The following RAMP3 variants were observed in gnomAD, a reference collection of about 807,000 sequenced individuals.
RAMP3 encodes the protein receptor activity modifying protein 3.
In RAMP3, 14 loss-of-function variants were observed where a neutral mutation model predicts 13.5. The observed-to-expected ratio is 1.04, with a 90% confidence interval of 0.69 to 1.63. The LOEUF is 1.63. Ranked by LOEUF, RAMP3 falls within the 40% of genes most tolerant of loss-of-function variation. The probability of loss-of-function intolerance (pLI) is 0.00; values close to 1 mark genes in which losing one functional copy is unlikely to be tolerated. For synonymous variants in RAMP3, 106 were observed against 88.3 expected (o/e 1.20, Z -1.12); for missense variants, 200 against 204.8 (o/e 0.98, Z 0.14).
intron 1 of RAMP3, among the ~76,000 whole-genome samples, chr7:45,158,990 A>G (rs1785815036): frequency 6.6e-6 from 1 of 152,200 alleles, no homozygotes; most frequent in South Asian, 2.1e-4. Flanking sequence ...CCTTAGGTGG[A>G]GATCTTGGTC....
rs530734151 is a variant in RAMP3, at chr7:45,177,070, G to A, written c.59-239G>A. Among the ~76,000 whole-genome samples the A allele has an allele frequency of 7.0e-4, 107 of 152,338 alleles. 1 individual carries two copies. Among genetic ancestry groups the A allele is most frequent in the African/African-American group, 2.5e-3 (106 of 41,588 alleles). On this transcript the variant is annotated intron_variant, in intron 1 of 2. Transcript: ENST00000242249. The stretch of plus-strand genomic sequence containing the variant: ...GATCCCTGCCTGTGCCACTGCCTGT[G>A]AGGCGGTGAAGTGAAAAGGTGGACT...
At position 45,177,454 on chromosome 7, in the gene RAMP3, G is replaced by T; in HGVS notation, c.191+13G>T. 2 of 1,613,972 alleles carry T rather than the reference G, an allele frequency of 1.2e-6. No individual in the cohort carries two copies. Among genetic ancestry groups the T allele is most frequent in the Non-Finnish European group, 1.7e-6 (2 of 1,179,906 alleles). On this transcript the variant is annotated intron_variant, in intron 2 of 2. Transcript: ENST00000242249. ...CCGAGTTCATCGTGTGAGTGCCACT[G>T]CTGGGCGTGGGATTTGCTCTGACCA...
At chr7:45,159,100 C>T (rs1190466171) in intron 1 of RAMP3, among the ~76,000 whole-genome samples, 1 of 152,218 alleles carries the variant, frequency 6.6e-6, no homozygotes. Context: ...AGGCTTCCGC[C>T]TGCACAGAAT....
chr7:45,159,455 G>C (rs937912277), intron 1 of RAMP3, among the ~76,000 whole-genome samples: 1 of 152,202 alleles, frequency 6.6e-6, no homozygotes, highest in Non-Finnish European at 1.5e-5. Flanking sequence ...GAGGGTGCAG[G>C]CCTCTGGGGC....
At position 45,173,746 on chromosome 7, in the gene RAMP3, G is replaced by A. The variant is rs1175512773; in HGVS notation, c.59-3563G>A. Among the ~76,000 whole-genome samples the A allele has an allele frequency of 2.0e-5, 3 of 152,364 alleles. No homozygotes were observed. The East Asian group carries it at 5.8e-4, about 29-fold the overall frequency. On this transcript the variant is annotated intron_variant, in intron 1 of 2. Coordinates refer to ENST00000242249, the MANE Select transcript of RAMP3 (RefSeq NM_005856.3). Reference sequence around the variant, plus strand: ...CTTCTGCCACTTCTGATAGTGTGGGGAGGACTGCAAGGAGCAGGGCTGATC... The same window carrying A: ...CTTCTGCCACTTCTGATAGTGTGGGAAGGACTGCAAGGAGCAGGGCTGATC...
chr7:45,182,971 A>G (rs569871177), intron 2 of RAMP3, among the ~76,000 whole-genome samples, 186 bp from the exon 3 acceptor site: 1 of 152,278 alleles, frequency 6.6e-6, no homozygotes, highest in South Asian at 2.1e-4. Flanking sequence ...GGCAGGGGAC[A>G]CAGGGAATGG....
Position 45,181,583 on chromosome 7 carries a change from G to T in RAMP3, c.192-1574G>T, listed in dbSNP as rs1021396478. ...TGTGATTCTCATCACACACATAGAT[G>T]CTGGGAACTTCTGAAGGTGAAGGCT... On this transcript the variant is annotated intron_variant, in intron 2 of 2. Coordinates refer to ENST00000242249, the MANE Select transcript of RAMP3 (RefSeq NM_005856.3). Among the ~76,000 whole-genome samples the T allele has an allele frequency of 7.2e-5, 11 of 152,340 alleles. No homozygotes were observed. In the South Asian group the frequency reaches 2.3e-3, roughly 32 times the overall value.
intron 2 of RAMP3, among the ~76,000 whole-genome samples, chr7:45,177,911 TC>T (rs925176661): frequency 7.2e-5 from 11 of 152,188 alleles, no homozygotes; most frequent in Non-Finnish European, 1.5e-4. Flanking sequence ...AGTGTCCAGT[TC>T]GGGGGTTCCC....
intron 1 of RAMP3, chr7:45,163,492 A>T: frequency 7.1e-6 from 7 of 985,352 alleles, no homozygotes; most frequent in Non-Finnish European, 8.4e-6. Flanking sequence ...GGACAGTCTG[A>T]TTGTGGAGGA....
chr7:45,160,775 A>G (rs11771811), intron 1 of RAMP3, among the ~76,000 whole-genome samples: 46,939 of 152,222 alleles, frequency 0.31, 9,286 homozygotes, highest in African/African-American at 0.56. Context: ...TTGTTTCCCA[A>G]TGAAACCAAC....
rs997346441 is a variant in RAMP3 at position 45,183,530 on chromosome 7, A to G, written c.*118A>G. 5 of 1,439,364 alleles carry G rather than the reference A, an allele frequency of 3.5e-6. No individual in the cohort carries two copies. The highest frequency in any genetic ancestry group is 4.7e-6 in the Non-Finnish European group (5 of 1,054,460). The allele number at this position is 1,439,364 out of a possible 1,614,324, so 89.2% of individuals were successfully genotyped here. A position where few individuals can be genotyped will look rare whatever the true frequency, so the allele number is the denominator to read the frequency against. ...TACTGTGGCCACACCCCACCTGGTC[A>G]TGGGCAGACCCCTCCCTTCCTGGGC... On this transcript the variant is annotated 3_prime_UTR_variant, in exon 3 of 3. Coordinates refer to ENST00000242249, the MANE Select transcript of RAMP3 (RefSeq NM_005856.3).
chr7:45,173,978 G>A (rs3779403), intron 1 of RAMP3, among the ~76,000 whole-genome samples: 8,511 of 152,184 alleles, frequency 0.056, 315 homozygotes, highest in East Asian at 0.099. Flanking sequence ...TTGCCAAGGA[G>A]AGGGGTGAGG....
intron 1 of RAMP3, among the ~76,000 whole-genome samples, chr7:45,160,472 A>T (rs983394573): frequency 6.6e-6 from 1 of 151,068 alleles, no homozygotes; most frequent in Non-Finnish European, 1.5e-5. Context: ...TATTCTTCAT[A>T]AGGAAACAGA....
chr7:45,166,957 G>GTTTTTTTTT (rs1370310920), intron 1 of RAMP3, among the ~76,000 whole-genome samples: 13 of 48,430 alleles, frequency 2.7e-4, no homozygotes, highest in African/African-American at 7.8e-4. Context: ...GGTCTTTGAT[G>GTTTTTTTTT]CTTTTTTTTT....
At chr7:45,166,877 G>A (rs1048308931) in intron 1 of RAMP3, among the ~76,000 whole-genome samples, 1 of 151,492 alleles carries the variant, frequency 6.6e-6, no homozygotes, top group African/African-American at 2.4e-5. Context: ...CCAGGTTCAA[G>A]CTATTCTTGT....
intron 1 of RAMP3, among the ~76,000 whole-genome samples, chr7:45,165,292 CAA>C (rs1335181154): frequency 3.9e-5 from 6 of 152,254 alleles, no homozygotes; most frequent in African/African-American, 1.4e-4. Flanking sequence ...TTATTTAAAT[CAA>C]AGTTATAAAT....
intron 1 of RAMP3, among the ~76,000 whole-genome samples, chr7:45,169,035 G>A (rs78832853): frequency 0.026 from 3,988 of 152,116 alleles, 182 homozygotes; most frequent in African/African-American, 0.09. Context: ...TGAGATGATC[G>A]TGTGGTTCCC....
chr7:45,182,558 GGGACCCACAGGA>G (rs1786337617), intron 2 of RAMP3, among the ~76,000 whole-genome samples: 1 of 152,178 alleles, frequency 6.6e-6, no homozygotes, highest in Admixed American at 6.5e-5. Context: ...CATGGACAGG[GGGACCCACAGGA>G]GGGGGCTCCA....
chr7:45,173,295 C>T (rs574866627), intron 1 of RAMP3, among the ~76,000 whole-genome samples: 36 of 152,250 alleles, frequency 2.4e-4, no homozygotes, highest in African/African-American at 7.9e-4. Flanking sequence ...GAAGTGTGTC[C>T]GCTTATCTTC....
Sources: allele counts gnomAD v4.1 joint callset (sites outside exome capture counted in the v4.1 genomes callset), GRCh38; gene constraint gnomAD v4.1.1; transcripts MANE v1.5; gene names NCBI Gene and HGNC (gene_info 2026-07-23, HGNC 2026-07-21).